The following CCAR1 variants were observed in gnomAD, a reference collection of about 807,000 sequenced individuals.
CCAR1 encodes cell division cycle and apoptosis regulator protein 1.
CCAR1 carries 78 observed loss-of-function variants against 163.8 expected under a neutral mutation model. The ratio of observed to expected loss-of-function variants is 0.48; its 90% CI spans 0.40 to 0.57. CCAR1 has a LOEUF of 0.57. Among genes scored for constraint, CCAR1 ranks in the 20% least tolerant of loss-of-function variants. The pLI is 0.00. For missense variants in CCAR1, 1,019 were observed against 1,365.2 expected, an observed-to-expected ratio of 0.75 and a Z score of 4.00; for synonymous variants, 443 against 460.7, an observed-to-expected ratio of 0.96 and a Z score of 0.49.
At chr10:68,788,763 C>T (rs911130266) in intron 23 of CCAR1, among the ~76,000 whole-genome samples, 1 of 152,166 alleles carries the variant, frequency 6.6e-6, no homozygotes. Flanking sequence ...GGATTACAGG[C>T]AGGAGCCACC....
chr10:68,735,751 G>A (rs967612072), intron 2 of CCAR1: 1 of 152,186 alleles, frequency 6.6e-6, no homozygotes, highest in African/African-American at 2.4e-5. Context: ...AATCAGAAGG[G>A]GAAGAGTAGA....
intron 19 of CCAR1, among the ~76,000 whole-genome samples, chr10:68,784,572 A>G (rs932040736): frequency 8.5e-5 from 13 of 152,172 alleles, no homozygotes; most frequent in Admixed American, 6.6e-4. Flanking sequence ...ACAGCATCAC[A>G]TAGGGTCTCA....
chr10:68,748,832 G>GC (rs1473677019), intron 8 of CCAR1, among the ~76,000 whole-genome samples: 1 of 151,846 alleles, frequency 6.6e-6, no homozygotes, highest in African/African-American at 2.4e-5. Context: ...TCCCTTCTCA[G>GC]CCCCCCTCTA....
intron 4 of CCAR1, among the ~76,000 whole-genome samples, chr10:68,739,338 A>G (rs1230593220): frequency 6.6e-6 from 1 of 152,108 alleles, no homozygotes; most frequent in African/African-American, 2.4e-5. Flanking sequence ...TTTAGTAGAG[A>G]CAGGGTTTCA....
intron 10 of CCAR1, among the ~76,000 whole-genome samples, chr10:68,751,422 C>G (rs994791119): frequency 6.6e-6 from 1 of 152,130 alleles, no homozygotes; most frequent in Non-Finnish European, 1.5e-5. Context: ...AGAAACCAGT[C>G]GAAACCAAAA....
chr10:68,755,112 G>T, intron 12 of CCAR1: 1 of 691,324 alleles, frequency 1.4e-6, no homozygotes. Flanking sequence ...TGTTGTTGAA[G>T]TTTGAATTAT....
At chr10:68,785,998 A>G in intron 19 of CCAR1, 138 bp from the exon 20 acceptor site, 1 of 575,212 alleles carries the variant, frequency 1.7e-6, no homozygotes, top group South Asian at 2.4e-5. Flanking sequence ...ACTGGAGTGC[A>G]GTGGTATAGT....
Position 68,746,726 on chromosome 10 carries a change from C to T in CCAR1, c.519-435C>T, listed in dbSNP as rs749210619. 2.6e-5 allele frequency among the ~76,000 whole-genome samples: 4 copies of T among 151,624 alleles called. No individual in the cohort carries two copies. The South Asian group carries it at 6.3e-4, about 24-fold the overall frequency. The stretch of plus-strand genomic sequence containing the variant: ...CTGAGTATTTGGGATTACAGGTGTG[C>T]GCCACCACGCTCGGCTAATTTTTGT... On this transcript the variant is annotated intron_variant, in intron 6 of 24. Coordinates refer to ENST00000265872, the MANE Select transcript of CCAR1 (RefSeq NM_018237.4).
intron 10 of CCAR1, among the ~76,000 whole-genome samples, chr10:68,752,024 C>T (rs1396589529): frequency 4.0e-5 from 6 of 148,364 alleles, no homozygotes; most frequent in African/African-American, 1.5e-4. Flanking sequence ...TCACGCCATT[C>T]TCCTGCCTCA....
In CCAR1 at chr10:68,754,893, T is replaced by TA; in HGVS notation, c.1458+70dup. The stretch of plus-strand genomic sequence containing the variant: ...TTGCTTAGCTGTAACTTTGTACACA[T>TA]AAAATCTAAAGCCCTACATTTTAAT... On this transcript the variant is annotated intron_variant, in intron 12 of 24. Transcript: ENST00000265872. 7 of 850,532 alleles carry TA rather than the reference T, an allele frequency of 8.2e-6. No homozygotes were observed. The Middle Eastern group carries it at 6.7e-4, about 81-fold the overall frequency. The allele number at this position is 850,532 out of a possible 1,614,324, so 52.7% of individuals were successfully genotyped here. A position where few individuals can be genotyped will look rare whatever the true frequency, so the allele number is the denominator to read the frequency against.
chr10:68,741,839 A>G (rs1589160547), intron 5 of CCAR1, among the ~76,000 whole-genome samples: 2 of 152,166 alleles, frequency 1.3e-5, no homozygotes, highest in African/African-American at 4.8e-5. Flanking sequence ...TTTAGTCTTG[A>G]ATCTCTTCCT....
intron 18 of CCAR1, among the ~76,000 whole-genome samples, 195 bp from the exon 19 acceptor site, chr10:68,772,783 GTAATAATATA>G (rs2056619185): frequency 6.7e-6 from 1 of 149,018 alleles, no homozygotes; most frequent in South Asian, 2.1e-4. Flanking sequence ...ATATATATAT[GTAATAATATA>G]TAATAATTGT....
intron 2 of CCAR1, among the ~76,000 whole-genome samples, chr10:68,723,019 C>T (rs1215196945): frequency 6.6e-6 from 1 of 151,786 alleles, no homozygotes; most frequent in African/African-American, 2.4e-5. Flanking sequence ...CTCTGTGAAG[C>T]TCCTTTAAAA....
chr10:68,760,114 G>A (rs1449543544), intron 15 of CCAR1, among the ~76,000 whole-genome samples: 2 of 151,812 alleles, frequency 1.3e-5, no homozygotes, highest in Non-Finnish European at 2.9e-5. Context: ...TTACAGGCAC[G>A]AGCCACCATT....
At chr10:68,765,147 G>C (rs931841657) in intron 16 of CCAR1, among the ~76,000 whole-genome samples, 2 of 152,108 alleles carry the variant, frequency 1.3e-5, no homozygotes, top group African/African-American at 4.8e-5. Flanking sequence ...TTACCTGGGC[G>C]TTCTCCTATG....
At chr10:68,743,212 T>G (rs1307087334) in intron 6 of CCAR1, among the ~76,000 whole-genome samples, 1 of 150,812 alleles carries the variant, frequency 6.6e-6, no homozygotes, top group Middle Eastern at 3.2e-3. Context: ...TTTTTTTTTT[T>G]TTGAGACAGC....
chr10:68,751,085 T>C (rs961970961), intron 10 of CCAR1, among the ~76,000 whole-genome samples: 4 of 151,490 alleles, frequency 2.6e-5, no homozygotes, highest in African/African-American at 9.7e-5. Context: ...TGGAGAGCAA[T>C]GGCGCGATCT....
intron 3 of CCAR1, among the ~76,000 whole-genome samples, 154 bp from the exon 4 acceptor site, chr10:68,737,691 A>AT (rs947715264): frequency 2.0e-5 from 3 of 151,142 alleles, no homozygotes; most frequent in Admixed American, 6.6e-5. Context: ...TATTATTTTT[A>AT]TTTTTTTTGT....
chr10:68,723,888 G>T (rs1359845198), intron 2 of CCAR1, among the ~76,000 whole-genome samples: 3 of 151,570 alleles, frequency 2.0e-5, no homozygotes, highest in Admixed American at 2.0e-4. Context: ...GCTGGGCGCG[G>T]TGGCTTGTGC....
Sources: gnomAD v4.1 joint callset for allele counts (sites outside exome capture counted in the v4.1 genomes callset) on GRCh38, gnomAD v4.1.1 for gene constraint, MANE v1.5 for transcripts, NCBI Gene and HGNC (gene_info 2026-07-23, HGNC 2026-07-21) for gene names.